The following CAPN11 variants were observed in gnomAD, a reference collection of about 807,000 sequenced individuals.
The protein encoded by CAPN11 is calpain-11.
CAPN11 carries 108 observed loss-of-function variants against 105.3 expected under a neutral mutation model. That is an observed-to-expected ratio of 1.03 (90% CI 0.88 to 1.20). The LOEUF is 1.20. Among genes scored for constraint, CAPN11 ranks in the 50% most tolerant of loss-of-function variants. CAPN11 has a pLI of 0.00. For synonymous variants in CAPN11, 329 were observed against 344.5 expected, an observed-to-expected ratio of 0.96 and a Z score of 0.50; for missense variants, 883 against 924.8, an observed-to-expected ratio of 0.95 and a Z score of 0.59.
At chr6:44,159,000 TG>T in intron 1 of CAPN11, 136 bp downstream of exon 1, 1 of 642,054 alleles carries the variant, frequency 1.6e-6, no homozygotes, top group South Asian at 2.0e-5. Flanking sequence ...TCAGACTGGA[TG>T]CCCCTTGAGG....
Position 44,173,264 on chromosome 6 carries a change from G to GTACCAT in CAPN11, c.709_710insTACCAT (p.Gly237delinsValProCys). On this transcript the variant is annotated protein_altering_variant, in exon 7 of 23. Transcript: ENST00000398776. ...ATTGTCAGGGGGCAGTACCATGGAG[G>GTACCAT]GCCTTGAGGACTTCACAGGAGGCGT... The GTACCAT allele has an allele frequency of 1.2e-6, 2 of 1,613,916 alleles. No homozygotes were observed. The highest frequency in any genetic ancestry group is 8.5e-7 in the Non-Finnish European group (1 of 1,179,864).
Position 44,181,428 on chromosome 6 carries a change from A to ACCCAAC in CAPN11, c.1938+109_1938+110insCCAACC, listed in dbSNP as rs1561853643. On this transcript the variant is annotated intron_variant, in intron 19 of 22. Coordinates refer to ENST00000398776, the MANE Select transcript of CAPN11 (RefSeq NM_007058.4). ...ACCCAAGCCCTAACCACACACACAC[A>ACCCAAC]CACACCCAACCACACCACACTCACA... The ACCCAAC allele has an allele frequency of 1.9e-4, 149 of 791,762 alleles. 27 individuals carry two copies. The highest frequency in any genetic ancestry group is 1.9e-3 in the African/African-American group (104 of 55,646). The allele number at this position is 791,762 out of a possible 1,614,324, so 49.0% of individuals were successfully genotyped here.
chr6:44,168,050 A>G (rs890846329), intron 2 of CAPN11, among the ~76,000 whole-genome samples: 1 of 150,206 alleles, frequency 6.7e-6, no homozygotes, highest in African/African-American at 2.5e-5. Flanking sequence ...CCCAAAAAAC[A>G]GAGTGTATAA....
Position 44,180,083 on chromosome 6 carries a change from C to T in CAPN11, c.1560C>T (p.Ile520=), listed in dbSNP as rs1420349837. Residue 520 remains isoleucine, a synonymous_variant, in exon 14 of 23, where the codon ATC becomes ATT. Transcript: ENST00000398776. ...TCCGGCTGCCTCCGGGGGAATATATCATTATTCCCTCCACCTTTGAGCCAC... is the reference window on the plus strand; with the variant it reads ...TCCGGCTGCCTCCGGGGGAATATATTATTATTCCCTCCACCTTTGAGCCAC... ...SQLRLPPGEY[I]IIPSTFEPHR... is the part of the protein sequence containing the mutation. The T allele has an allele frequency of 3.1e-6, 5 of 1,611,492 alleles. No homozygotes were observed. Among genetic ancestry groups the T allele is most frequent in the Non-Finnish European group, 3.4e-6 (4 of 1,177,744 alleles).
In CAPN11 at chr6:44,177,475, C is replaced by CCTTTCTTTCTTT. The variant is rs374294570; in HGVS notation, c.1416+64_1416+75dup. 122 of 1,252,650 alleles carry CCTTTCTTTCTTT rather than the reference C, an allele frequency of 9.7e-5. 1 individual carries two copies. Among genetic ancestry groups the CCTTTCTTTCTTT allele is most frequent in the South Asian group, 8.5e-4 (62 of 73,096 alleles). The allele number at this position is 1,252,650 out of a possible 1,614,324, so 77.6% of individuals were successfully genotyped here. A position where few individuals can be genotyped will look rare whatever the true frequency, so the allele number is the denominator to read the frequency against. On this transcript the variant is annotated intron_variant, in intron 12 of 22. Transcript: ENST00000398776. ...TCACTCTCCCTCACCTGACCTCACT[C>CCTTTCTTTCTTT]CTTTCTTTCTTTCTTTCTTTTTTTT... is the stretch of plus-strand genomic sequence containing the variant.
At chr6:44,162,553 C>T (rs1435915918) in intron 1 of CAPN11, among the ~76,000 whole-genome samples, 2 of 152,116 alleles carry the variant, frequency 1.3e-5, no homozygotes, top group East Asian at 1.9e-4. Flanking sequence ...TGGCTCTACC[C>T]ACCCTCTTCC....
At chr6:44,179,832 C>T in intron 13 of CAPN11, 120 bp from the exon 14 acceptor site, 1 of 910,566 alleles carries the variant, frequency 1.1e-6, no homozygotes. Context: ...GGTGTCCAGG[C>T]CAGGTCAGTT....
rs549556146 is a variant in CAPN11, at chr6:44,175,863, C to G, written c.832-205C>G. Among the ~76,000 whole-genome samples, 3 of 152,224 alleles carry G rather than the reference C, an allele frequency of 2.0e-5. No individual in the cohort carries two copies. The South Asian group carries it at 6.2e-4, about 32-fold the overall frequency. ...TTGCCAGATGTTACCACTGGGGGAA[C>G]CTGAGTATGGGATACACGGGATTTC... On this transcript the variant is annotated intron_variant, in intron 7 of 22. Transcript: ENST00000398776.
chr6:44,181,150 G>T, intron 18 of CAPN11, 102 bp from the exon 19 acceptor site: 1 of 1,232,996 alleles, frequency 8.1e-7, no homozygotes, highest in South Asian at 1.2e-5. Context: ...CTACAGTACC[G>T]GAACCCCAGG....
Position 44,175,071 on chromosome 6 carries a change from C to T in CAPN11, c.832-997C>T, listed in dbSNP as rs184234694. ...TTGTGGTGATAGAAATGTTCTATATCTTGACAGTGGTGGTGGCTACATGAA... is the reference window on the plus strand; with the variant it reads ...TTGTGGTGATAGAAATGTTCTATATTTTGACAGTGGTGGTGGCTACATGAA... On this transcript the variant is annotated intron_variant, in intron 7 of 22. Coordinates refer to ENST00000398776, the MANE Select transcript of CAPN11 (RefSeq NM_007058.4). Among the ~76,000 whole-genome samples the T allele has an allele frequency of 6.6e-3, 1,010 of 152,232 alleles. 8 individuals are homozygous for T. Among genetic ancestry groups the T allele is most frequent in the South Asian group, 0.024 (116 of 4,826 alleles).
At chr6:44,183,611 C>T (rs1223344135) in intron 21 of CAPN11, 94 bp from the exon 22 acceptor site, 100 of 1,146,712 alleles carry the variant, frequency 8.7e-5, no homozygotes, top group Non-Finnish European at 1.3e-4. Context: ...GCCAGGAACA[C>T]CTGGTGTCGC....
At chr6:44,178,942 A>C (rs1772652822) in intron 12 of CAPN11, among the ~76,000 whole-genome samples, 1 of 151,992 alleles carries the variant, frequency 6.6e-6, no homozygotes, top group Non-Finnish European at 1.5e-5. Context: ...TCAAGGTTAA[A>C]AAAGCTCAGG....
At chr6:44,158,995 C>T in intron 1 of CAPN11, 131 bp downstream of exon 1, 2 of 509,380 alleles carry the variant, frequency 3.9e-6, no homozygotes, top group Non-Finnish European at 6.2e-6. Flanking sequence ...TTCCATCAGA[C>T]TGGATGCCCC....
intron 2 of CAPN11, among the ~76,000 whole-genome samples, chr6:44,167,687 A>C (rs571546303): frequency 3.5e-4 from 54 of 152,250 alleles, no homozygotes; most frequent in Non-Finnish European, 6.2e-4. Flanking sequence ...AGACTGGAGG[A>C]CTGCTTGAAC....
In CAPN11 at chr6:44,184,079, C is replaced by T. The variant is rs567430144; in HGVS notation, c.*147C>T. 5 of 812,550 alleles carry T rather than the reference C, an allele frequency of 6.2e-6. No homozygotes were observed. The African/African-American group carries it at 6.8e-5, about 11-fold the overall frequency. 50.3% of individuals were successfully genotyped at this position (812,550 alleles called of 1,614,324 possible). On this transcript the variant is annotated 3_prime_UTR_variant, in exon 23 of 23. Coordinates refer to ENST00000398776, the MANE Select transcript of CAPN11 (RefSeq NM_007058.4). Reference sequence around the variant, plus strand: ...GGTGGCAGTGCCCGGGTCCCAGGTGCCGTGTTTACTGCAGCAGTGGGACCT... The same window carrying T: ...GGTGGCAGTGCCCGGGTCCCAGGTGTCGTGTTTACTGCAGCAGTGGGACCT...
chr6:44,174,075 A>G (rs975055583), intron 7 of CAPN11, among the ~76,000 whole-genome samples: 1 of 152,144 alleles, frequency 6.6e-6, no homozygotes, highest in Non-Finnish European at 1.5e-5. Flanking sequence ...CCAGCATGCA[A>G]TAGGCACCCA....
chr6:44,163,752 G>A (rs900425978), intron 1 of CAPN11, among the ~76,000 whole-genome samples: 1 of 152,182 alleles, frequency 6.6e-6, no homozygotes, highest in Non-Finnish European at 1.5e-5. Context: ...ACTGAGGCAG[G>A]ATTCCTAATA....
Position 44,169,275 on chromosome 6 carries a change from A to G in CAPN11, c.89-6A>G, listed in dbSNP as rs1770568738. On this transcript the variant is annotated splice_region_variant and splice_polypyrimidine_tract_variant and intron_variant, in intron 2 of 22. Transcript: ENST00000398776. ...TGCGTTATTTCTCTTTTTTTTTCTT[A>G]AGCAGAGCCCACTTTTACTGATACG... 1.9e-6 allele frequency: 3 copies of G among 1,591,854 alleles called. No homozygotes were observed. Among genetic ancestry groups the G allele is most frequent in the Non-Finnish European group, 2.6e-6 (3 of 1,170,834 alleles).
At chr6:44,159,578 C>G (rs2128285667) in intron 1 of CAPN11, among the ~76,000 whole-genome samples, 1 of 152,160 alleles carries the variant, frequency 6.6e-6, no homozygotes, top group South Asian at 2.1e-4. Context: ...TTACCTGACC[C>G]TAGGAAGTTT....
Sources: gnomAD v4.1 joint callset for allele counts (sites outside exome capture counted in the v4.1 genomes callset) on GRCh38, gnomAD v4.1.1 for gene constraint, MANE v1.5 for transcripts, NCBI Gene and HGNC (gene_info 2026-07-23, HGNC 2026-07-21) for gene names.